Variants in STARD13 observed in about 807,000 individuals in gnomAD.
STARD13 encodes the protein StAR related lipid transfer domain containing 13.
A neutral mutation model predicts 106.4 loss-of-function variants in STARD13; 62 were observed. The ratio of observed to expected loss-of-function variants is 0.58; its 90% CI spans 0.48 to 0.72. The LOEUF (loss-of-function observed/expected upper bound fraction) is 0.72, where lower values mean the gene tolerates loss of function less well. Among genes scored for constraint, STARD13 ranks in the 30% least tolerant of loss-of-function variants. The pLI, the probability that STARD13 is intolerant of heterozygous loss-of-function variation, is 0.00. For missense variants in STARD13, 1,387 were observed against 1,424.0 expected (o/e 0.97, Z 0.42); for synonymous variants, 565 against 553.0 (o/e 1.02, Z -0.31).
chr13:33,120,762 G>A (rs189064575), intron 7 of STARD13, among the ~76,000 whole-genome samples: 211 of 150,156 alleles, frequency 1.4e-3, no homozygotes, highest in African/African-American at 4.7e-3. Context: ...CCCTGGAACC[G>A]TTCTATTTCC....
At chr13:33,201,940 G>C (rs1887066579) in intron 1 of STARD13, among the ~76,000 whole-genome samples, 1 of 151,654 alleles carries the variant, frequency 6.6e-6, no homozygotes, top group Non-Finnish European at 1.5e-5. Flanking sequence ...AAGTAATACT[G>C]GTCACTTATT....
the STARD13 span, among the ~76,000 whole-genome samples, chr13:33,639,457 C>T: frequency 6.6e-6 from 1 of 152,092 alleles, no homozygotes. Flanking sequence ...CCAAGGAAGT[C>T]CTGATTGGTT....
the STARD13 span, among the ~76,000 whole-genome samples, chr13:33,487,765 C>A: frequency 6.6e-6 from 1 of 152,196 alleles, no homozygotes; most frequent in Non-Finnish European, 1.5e-5. Context: ...CTCAATCTTA[C>A]TTTCTCTTTT....
intron 8 of STARD13, among the ~76,000 whole-genome samples, chr13:33,115,182 C>T (rs1230741620): frequency 6.6e-6 from 1 of 152,166 alleles, no homozygotes; most frequent in African/African-American, 2.4e-5. Flanking sequence ...CCATCCAACA[C>T]TCCAATTTAG....
intron 1 of STARD13, among the ~76,000 whole-genome samples, chr13:33,233,656 C>T (rs1397981352): frequency 2.0e-5 from 3 of 152,234 alleles, no homozygotes; most frequent in Admixed American, 6.5e-5. Flanking sequence ...AGCCCTTTGC[C>T]CTTGTTGGCA....
the STARD13 span, among the ~76,000 whole-genome samples, chr13:33,380,246 C>G: frequency 6.6e-6 from 1 of 151,894 alleles, no homozygotes; most frequent in East Asian, 1.9e-4. Context: ...GAAACCCCGT[C>G]TCTACTAAAA....
At chr13:33,260,858 A>G (rs531294167) in intron 1 of STARD13, among the ~76,000 whole-genome samples, 1 of 152,346 alleles carries the variant, frequency 6.6e-6, no homozygotes, top group Admixed American at 6.5e-5. Flanking sequence ...GAGAATCAGA[A>G]TTTTCAGGAA....
chr13:33,439,841 G>A, the STARD13 span: 5 of 415,222 alleles, frequency 1.2e-5, no homozygotes, highest in Non-Finnish European at 1.7e-5. Flanking sequence ...CTCCAGAAAT[G>A]AAAATAAAAT....
At chr13:33,454,114 C>T in the STARD13 span, among the ~76,000 whole-genome samples, 38 of 152,328 alleles carry the variant, frequency 2.5e-4, no homozygotes, top group African/African-American at 8.2e-4. Flanking sequence ...CAGGGTGCTT[C>T]TGCCTCTGTC....
the STARD13 span, among the ~76,000 whole-genome samples, chr13:33,600,202 G>T: frequency 1.3e-5 from 2 of 152,196 alleles, no homozygotes; most frequent in Non-Finnish European, 2.9e-5. Flanking sequence ...CAAAAAAAGT[G>T]AATGTCATGA....
chr13:33,506,847 C>T, the STARD13 span, among the ~76,000 whole-genome samples: 1 of 152,152 alleles, frequency 6.6e-6, no homozygotes, highest in African/African-American at 2.4e-5. Context: ...ATTGGTGGCT[C>T]TCACCTGTAA....
chr13:33,575,619 G>A, the STARD13 span, among the ~76,000 whole-genome samples: 12 of 152,096 alleles, frequency 7.9e-5, no homozygotes, highest in Non-Finnish European at 4.4e-5. Flanking sequence ...TTGTGAGACT[G>A]GATTAGTTCT....
At chr13:33,235,215 G>A (rs995752164) in intron 1 of STARD13, among the ~76,000 whole-genome samples, 2 of 152,212 alleles carry the variant, frequency 1.3e-5, no homozygotes, top group Non-Finnish European at 1.5e-5. Context: ...ACATCTGTCA[G>A]ACACTGAGCA....
rs1235531498 is a variant in STARD13 at position 33,262,647 on chromosome 13, C to CA, written c.169+22822_169+22823insT. On this transcript the variant is annotated intron_variant, in intron 1 of 13. Coordinates refer to ENST00000336934, the MANE Select transcript of STARD13 (RefSeq NM_178006.4). ...CCACACCACACCCAGAACCCCCCCC[C>CA]CCACACACACACACAACACACACAC... is the stretch of plus-strand genomic sequence containing the variant. Among the ~76,000 whole-genome samples, 25 of 90,432 alleles carry CA rather than the reference C, an allele frequency of 2.8e-4. 1 individual carries two copies. The East Asian group carries it at 5.5e-3, about 20-fold the overall frequency. The allele number at this position is 90,432 out of a possible 152,430, so 59.3% of individuals were successfully genotyped here.
At chr13:33,424,725 G>A in the STARD13 span, among the ~76,000 whole-genome samples, 2 of 152,164 alleles carry the variant, frequency 1.3e-5, no homozygotes, top group Non-Finnish European at 2.9e-5. Context: ...TGTGGGTAAT[G>A]AGGAGCCATG....
intron 12 of STARD13, among the ~76,000 whole-genome samples, chr13:33,108,601 C>T (rs1414879457): frequency 6.6e-6 from 1 of 152,214 alleles, no homozygotes; most frequent in Non-Finnish European, 1.5e-5. Flanking sequence ...GCTGCATTCC[C>T]TTGGCATACC....
the STARD13 span, among the ~76,000 whole-genome samples, chr13:33,429,919 T>C: frequency 6.1e-5 from 8 of 131,208 alleles, no homozygotes; most frequent in Non-Finnish European, 1.1e-4. Flanking sequence ...TTAATTGTAC[T>C]TTTTTTTTGG....
At chr13:33,407,077 G>C in the STARD13 span, among the ~76,000 whole-genome samples, 5 of 152,208 alleles carry the variant, frequency 3.3e-5, no homozygotes, top group Non-Finnish European at 7.3e-5. Context: ...GAGCAGCTCA[G>C]AATATGGGTT....
At chr13:33,338,962 T>C (rs1206733216) in intron 1 of STARD13, among the ~76,000 whole-genome samples, 5 of 151,816 alleles carry the variant, frequency 3.3e-5, no homozygotes, top group African/African-American at 1.2e-4. Context: ...AATGGGTGGT[T>C]TCGGGTGGGG....
Sources: gnomAD v4.1 joint callset for allele counts (sites outside exome capture counted in the v4.1 genomes callset) on GRCh38, gnomAD v4.1.1 for gene constraint, MANE v1.5 for transcripts, NCBI Gene and HGNC (gene_info 2026-07-23, HGNC 2026-07-21) for gene names.